The following SCNN1B variants were observed in gnomAD, a reference collection of about 807,000 sequenced individuals.
SCNN1B encodes epithelial sodium channel subunit beta.
SCNN1B carries 46 observed loss-of-function variants against 65.3 expected under a neutral mutation model. That is an observed-to-expected ratio of 0.70 (90% CI 0.56 to 0.90). SCNN1B has a LOEUF of 0.90. Ranked by LOEUF, SCNN1B falls within the 40% of genes least tolerant of loss-of-function variation. The pLI, the probability that SCNN1B is intolerant of heterozygous loss-of-function variation, is 0.00. For missense variants in SCNN1B, 751 were observed against 830.5 expected (o/e 0.90, Z 1.18); for synonymous variants, 349 against 330.6 (o/e 1.06, Z -0.60).
chr16:23,378,552 C>G (rs893063590), intron 10 of SCNN1B, among the ~76,000 whole-genome samples, 154 bp from the exon 11 acceptor site: 3 of 152,194 alleles, frequency 2.0e-5, no homozygotes, highest in African/African-American at 7.2e-5. Context: ...ACAGCTTCCA[C>G]TACGACCTTC....
chr16:23,365,557 G>GAAAGAAAGAAAGAAAGAAAGAA (rs56115800), intron 4 of SCNN1B, among the ~76,000 whole-genome samples: 7 of 92,362 alleles, frequency 7.6e-5, no homozygotes, highest in Admixed American at 1.1e-4. Context: ...AAGAAGGAAA[G>GAAAGAAAGAAAGAAAGAAAGAA]AGAAAGAAAG....
chr16:23,294,658 G>A (rs1369039865), intron 2 of SCNN1B, among the ~76,000 whole-genome samples: 2 of 151,982 alleles, frequency 1.3e-5, no homozygotes, highest in African/African-American at 4.8e-5. Context: ...ACCTCCTTTA[G>A]GTCCTTGTTC....
chr16:23,327,084 C>T (rs894626426), intron 1 of SCNN1B, among the ~76,000 whole-genome samples: 1 of 151,908 alleles, frequency 6.6e-6, no homozygotes, highest in Middle Eastern at 3.4e-3. Flanking sequence ...GCTCAGCTAA[C>T]GTTTTTATTT....
intron 1 of SCNN1B, among the ~76,000 whole-genome samples, chr16:23,326,924 T>C (rs1291181912): frequency 6.6e-6 from 1 of 152,020 alleles, no homozygotes; most frequent in Non-Finnish European, 1.5e-5. Flanking sequence ...CTCTCAAGTC[T>C]CCAGTGATTA....
chr16:23,378,660 G>A lies in SCNN1B; in HGVS notation c.1405-46G>A, dbSNP rs1384225501. ...CAGGGAACAGAGCCATGACTGGGAGGGATGCTGCAGATGGCAACTTTTGCA... is the reference window on the plus strand; with the variant it reads ...CAGGGAACAGAGCCATGACTGGGAGAGATGCTGCAGATGGCAACTTTTGCA... On this transcript the variant is annotated intron_variant, in intron 10 of 12. Transcript: ENST00000343070. 5 of 1,572,314 alleles carry A rather than the reference G, an allele frequency of 3.2e-6. 1 individual carries two copies. The highest frequency in any genetic ancestry group is 2.2e-5 in the South Asian group (2 of 90,158).
At chr16:23,364,644 T>C (rs1383425609) in intron 4 of SCNN1B, among the ~76,000 whole-genome samples, 1 of 152,138 alleles carries the variant, frequency 6.6e-6, no homozygotes, top group African/African-American at 2.4e-5. Context: ...GAGATGCTGG[T>C]GACTTGGGCC....
intron 2 of SCNN1B, among the ~76,000 whole-genome samples, chr16:23,295,564 C>G (rs1187653910): frequency 6.6e-6 from 1 of 151,254 alleles, no homozygotes; most frequent in Non-Finnish European, 1.5e-5. Flanking sequence ...GTTGCCCAGA[C>G]TGGTCTCGAA....
chr16:23,292,205 T>C (rs1411265816), intron 2 of SCNN1B, among the ~76,000 whole-genome samples: 1 of 149,798 alleles, frequency 6.7e-6, no homozygotes, highest in African/African-American at 2.4e-5. Context: ...TATTTTTTTT[T>C]TTTTTTGAGA....
intron 1 of SCNN1B, among the ~76,000 whole-genome samples, chr16:23,311,511 G>A (rs887484754): frequency 6.6e-6 from 1 of 152,194 alleles, no homozygotes; most frequent in African/African-American, 2.4e-5. Flanking sequence ...TATGTGTGGA[G>A]GTTGTTGATT....
At chr16:23,330,447 AG>A (rs1010181116) in intron 1 of SCNN1B, among the ~76,000 whole-genome samples, 2 of 152,212 alleles carry the variant, frequency 1.3e-5, no homozygotes, top group African/African-American at 4.8e-5. Flanking sequence ...GAGGCCAGAC[AG>A]GATTCTGAGG....
chr16:23,318,502 A>G (rs1961519167), intron 1 of SCNN1B, among the ~76,000 whole-genome samples: 1 of 152,172 alleles, frequency 6.6e-6, no homozygotes, highest in Non-Finnish European at 1.5e-5. Context: ...CCAGCTACTC[A>G]GGAGGCTGAG....
chr16:23,328,648 A>G (rs1041146636), intron 1 of SCNN1B, among the ~76,000 whole-genome samples: 4 of 152,214 alleles, frequency 2.6e-5, no homozygotes, highest in Non-Finnish European at 5.9e-5. Flanking sequence ...CAGATGCAAC[A>G]TCTGAGTTCC....
chr16:23,353,226 A>C, intron 3 of SCNN1B, 152 bp downstream of exon 3: 2 of 962,108 alleles, frequency 2.1e-6, no homozygotes, highest in Non-Finnish European at 3.1e-6. Flanking sequence ...TTTTAAAAAT[A>C]GAAATTTTTG....
chr16:23,356,652 A>T (rs931310536), intron 4 of SCNN1B, among the ~76,000 whole-genome samples: 26 of 152,114 alleles, frequency 1.7e-4, no homozygotes, highest in Non-Finnish European at 3.4e-4. Flanking sequence ...AAACAAAAAA[A>T]CACGAGGTTA....
At chr16:23,339,199 T>C (rs1247937116) in intron 1 of SCNN1B, among the ~76,000 whole-genome samples, 1 of 152,222 alleles carries the variant, frequency 6.6e-6, no homozygotes, top group Non-Finnish European at 1.5e-5. Flanking sequence ...TATGTATCAA[T>C]AGTTGGTTCC....
intron 6 of SCNN1B, 106 bp from the exon 7 acceptor site, chr16:23,371,670 G>A: frequency 1.8e-6 from 2 of 1,095,788 alleles, no homozygotes; most frequent in Non-Finnish European, 2.8e-6. Flanking sequence ...CCTGGCACCT[G>A]CAGGGGTCCA....
chr16:23,335,112 G>A (rs2052761037), intron 1 of SCNN1B, among the ~76,000 whole-genome samples: 1 of 152,170 alleles, frequency 6.6e-6, no homozygotes, highest in Non-Finnish European at 1.5e-5. Context: ...ACTGATGAAT[G>A]TCCAGCACCT....
At chr16:23,360,591 GT>G (rs35772167) in intron 4 of SCNN1B, among the ~76,000 whole-genome samples, 9,354 of 95,154 alleles carry the variant, frequency 0.098, 277 homozygotes, top group Middle Eastern at 0.15. Context: ...GGTGGTGGTG[GT>G]TTTTTTTTTT....
At position 23,316,792 on chromosome 16, in the gene SCNN1B, T is replaced by C. The variant is rs1018918312; in HGVS notation, c.-9+14355T>C. Among the ~76,000 whole-genome samples, 152 of 92,956 alleles carry C rather than the reference T, an allele frequency of 1.6e-3. No homozygotes were observed. In the Middle Eastern group the frequency reaches 0.025, roughly 15 times the overall value. The allele number at this position is 92,956 out of a possible 152,430, so 61.0% of individuals were successfully genotyped here. On this transcript the variant is annotated intron_variant, in intron 1 of 12. Coordinates refer to ENST00000343070, the MANE Select transcript of SCNN1B (RefSeq NM_000336.3). ...CCATCACCATCATCAACACCATCAC[T>C]ATCACCACCATCACCCTCACCATCT...
Sources: gnomAD v4.1 joint callset for allele counts (sites outside exome capture counted in the v4.1 genomes callset) on GRCh38, gnomAD v4.1.1 for gene constraint, MANE v1.5 for transcripts, NCBI Gene and HGNC (gene_info 2026-07-23, HGNC 2026-07-21) for gene names.